Variants in CAST observed in about 807,000 individuals in gnomAD.
CAST encodes calpastatin.
A neutral mutation model predicts 119.6 loss-of-function variants in CAST; 76 were observed. The ratio of observed to expected loss-of-function variants is 0.64; its 90% CI spans 0.53 to 0.77. CAST has a LOEUF of 0.77. CAST is among the 30% of genes least tolerant of loss of function. The probability of loss-of-function intolerance (pLI) is 0.00; values close to 1 mark genes in which losing one functional copy is unlikely to be tolerated. For synonymous variants in CAST, 319 were observed against 331.6 expected, an observed-to-expected ratio of 0.96 and a Z score of 0.41; for missense variants, 953 against 946.5, an observed-to-expected ratio of 1.01 and a Z score of -0.09.
chr5:96,037,633 A>G, the CAST span, among the ~76,000 whole-genome samples: 3 of 152,144 alleles, frequency 2.0e-5, no homozygotes, highest in Non-Finnish European at 2.9e-5. Context: ...AGTTAATATT[A>G]TATCTAGTAG....
chr5:95,991,665 C>G, the CAST span, among the ~76,000 whole-genome samples: 233 of 151,884 alleles, frequency 1.5e-3, no homozygotes, highest in African/African-American at 5.4e-3. Flanking sequence ...GCCACTGCTC[C>G]CGGTTAATTT....
the CAST span, among the ~76,000 whole-genome samples, chr5:96,251,857 G>T: frequency 6.6e-6 from 1 of 152,156 alleles, no homozygotes; most frequent in African/African-American, 2.4e-5. Flanking sequence ...AATGGTCTCA[G>T]CACTAAGAAT....
the CAST span, among the ~76,000 whole-genome samples, chr5:96,394,396 A>G: frequency 5.3e-5 from 8 of 152,304 alleles, no homozygotes; most frequent in East Asian, 1.5e-3. Flanking sequence ...GTGTCAGTTA[A>G]TGAATTAATA....
chr5:96,522,120 A>C (rs935962149), upstream of CAST, among the ~76,000 whole-genome samples: 1 of 152,228 alleles, frequency 6.6e-6, no homozygotes, highest in Non-Finnish European at 1.5e-5. Flanking sequence ...TGTCTCAAAA[A>C]AAAAAAATGA....
chr5:95,998,077 G>A, the CAST span, among the ~76,000 whole-genome samples: 1 of 146,312 alleles, frequency 6.8e-6, no homozygotes. Context: ...ATGAAGATAA[G>A]GATCTTCTCA....
At chr5:96,379,406 G>A in the CAST span, among the ~76,000 whole-genome samples, 1 of 152,124 alleles carries the variant, frequency 6.6e-6, no homozygotes, top group Non-Finnish European at 1.5e-5. Flanking sequence ...TTGGGAAAAC[G>A]TTTCCCAGGT....
chr5:96,700,253 A>G (rs769238871), intron 3 of CAST, among the ~76,000 whole-genome samples: 3 of 152,236 alleles, frequency 2.0e-5, no homozygotes, highest in Non-Finnish European at 4.4e-5. Context: ...TTAATGTGCT[A>G]TAAAAAGTAA....
the CAST span, among the ~76,000 whole-genome samples, chr5:96,166,322 T>C: frequency 6.6e-6 from 1 of 152,356 alleles, no homozygotes; most frequent in East Asian, 1.9e-4. Context: ...CAAGTTTATC[T>C]AACTTAATTT....
chr5:96,146,031 C>T, the CAST span, among the ~76,000 whole-genome samples: 1 of 152,220 alleles, frequency 6.6e-6, no homozygotes, highest in African/African-American at 2.4e-5. Flanking sequence ...CTTACTGGCA[C>T]AGCTTCACTT....
In CAST at chr5:96,678,083, A is replaced by G. The variant is rs78490236; in HGVS notation, c.138+2482A>G. Among the ~76,000 whole-genome samples the G allele has an allele frequency of 2.7e-3, 418 of 152,302 alleles. 2 individuals are homozygous for G. The highest frequency in any genetic ancestry group is 9.8e-3 in the African/African-American group (408 of 41,560). ...TGATGTTCATGATTATAAAACCATG[A>G]GCAATCTGAATTTGTTATCTGCCCT... On this transcript the variant is annotated intron_variant, in intron 2 of 31. Transcript: ENST00000675179.
At chr5:96,361,392 C>T in the CAST span, among the ~76,000 whole-genome samples, 1 of 152,172 alleles carries the variant, frequency 6.6e-6, no homozygotes, top group Non-Finnish European at 1.5e-5. Context: ...AAAAAAACTC[C>T]TGCAGCTAGC....
chr5:96,219,153 C>G, the CAST span, among the ~76,000 whole-genome samples: 10 of 152,120 alleles, frequency 6.6e-5, no homozygotes, highest in African/African-American at 2.4e-4. Flanking sequence ...ATTGTTTGAG[C>G]TATGTCATGA....
chr5:96,400,627 G>A, the CAST span, among the ~76,000 whole-genome samples: 3 of 152,216 alleles, frequency 2.0e-5, no homozygotes, highest in Admixed American at 6.5e-5. Flanking sequence ...TTCTTAGGAA[G>A]AGTGAGATGT....
the CAST span, among the ~76,000 whole-genome samples, chr5:96,466,464 C>G: frequency 6.6e-6 from 1 of 152,098 alleles, no homozygotes; most frequent in Middle Eastern, 3.2e-3. Flanking sequence ...CCACTAGTCA[C>G]CTTCTGCCCT....
intron 1 of CAST, among the ~76,000 whole-genome samples, chr5:96,639,584 G>A (rs926274000): frequency 2.6e-5 from 4 of 152,216 alleles, no homozygotes; most frequent in Non-Finnish European, 5.9e-5. Context: ...GATCTGCGGG[G>A]ACACAAGGGA....
At chr5:96,734,126 A>G (rs1321728296) in intron 9 of CAST, among the ~76,000 whole-genome samples, 1 of 152,234 alleles carries the variant, frequency 6.6e-6, no homozygotes, top group African/African-American at 2.4e-5. Context: ...GATAGCTGGG[A>G]TTGCAGGTGT....
At chr5:96,412,862 G>A in the CAST span, 24 of 739,996 alleles carry the variant, frequency 3.2e-5, no homozygotes, top group East Asian at 1.0e-4. Flanking sequence ...GGAAGTGGCC[G>A]TGATTGTTGT....
intron 1 of CAST, among the ~76,000 whole-genome samples, chr5:96,616,751 TATACACACACACACAC>T (rs1382659133): frequency 5.9e-5 from 7 of 118,436 alleles, no homozygotes; most frequent in African/African-American, 1.2e-4. Flanking sequence ...TCTCTATATA[TATACACACACACACAC>T]ACACACACAC....
At chr5:96,102,411 A>G in the CAST span, among the ~76,000 whole-genome samples, 1 of 152,176 alleles carries the variant, frequency 6.6e-6, no homozygotes, top group African/African-American at 2.4e-5. Context: ...CAGTCGAGCC[A>G]GTTCTCTCCC....
Sources: allele counts gnomAD v4.1 joint callset (sites outside exome capture counted in the v4.1 genomes callset), GRCh38; gene constraint gnomAD v4.1.1; transcripts MANE v1.5; gene names NCBI Gene and HGNC (gene_info 2026-07-23, HGNC 2026-07-21).